FGF14: variants seen among roughly 807,000 people sequenced by gnomAD.
The protein encoded by FGF14 is fibroblast growth factor 14, also known as fibroblast growth factor homologous factor 4.
FGF14 carries 5 observed loss-of-function variants against 25.5 expected under a neutral mutation model. The observed-to-expected ratio is 0.20, with a 90% CI of 0.10 to 0.41. FGF14 has a LOEUF of 0.41. FGF14 is among the 10% of genes least tolerant of loss of function. The pLI is 1.00. For synonymous variants in FGF14, 138 were observed against 118.3 expected, an observed-to-expected ratio of 1.17 and a Z score of -1.08; for missense variants, 222 against 320.1, an observed-to-expected ratio of 0.69 and a Z score of 2.34.
chr13:102,228,255 C>T (rs192340707), intron 1 of FGF14, among the ~76,000 whole-genome samples: 31 of 152,246 alleles, frequency 2.0e-4, no homozygotes, highest in African/African-American at 6.5e-4. Flanking sequence ...AATGTAGTTT[C>T]TAGTTTCTCA....
At chr13:102,381,680 T>C (rs2058186836) in intron 1 of FGF14, among the ~76,000 whole-genome samples, 2 of 152,160 alleles carry the variant, frequency 1.3e-5, no homozygotes, top group South Asian at 4.1e-4. Flanking sequence ...TTCACAAGAG[T>C]ATTAATTTTT....
intron 3 of FGF14, among the ~76,000 whole-genome samples, chr13:101,854,151 T>C (rs2044003552): frequency 6.6e-6 from 1 of 152,142 alleles, no homozygotes. Flanking sequence ...GTACTCAAAC[T>C]GTGTGCGTAC....
intron 3 of FGF14, among the ~76,000 whole-genome samples, chr13:101,775,667 T>C (rs1195155866): frequency 6.6e-6 from 1 of 152,094 alleles, no homozygotes; most frequent in Non-Finnish European, 1.5e-5. Context: ...TAAGGGAGGA[T>C]AGGGGGCCTA....
chr13:102,259,896 T>A (rs2052634522), intron 1 of FGF14, among the ~76,000 whole-genome samples: 1 of 152,230 alleles, frequency 6.6e-6, no homozygotes. Context: ...AGCAGGAGCA[T>A]GTTTTTCTGC....
rs61363461 is a variant in FGF14 at position 102,382,057 on chromosome 13, C to A, written c.208+19414G>T. On this transcript the variant is annotated intron_variant, in intron 1 of 4. Coordinates refer to the FGF14 transcript ENST00000376131. Reference sequence around the variant, plus strand: ...CTCTAAGAAAAACTTAGGACAAAATCTTTATGATCTTGGGTTAGGAGATCA... The same window carrying A: ...CTCTAAGAAAAACTTAGGACAAAATATTTATGATCTTGGGTTAGGAGATCA... Among the ~76,000 whole-genome samples, 1,183 of 152,186 alleles carry A rather than the reference C, an allele frequency of 7.8e-3. 17 individuals carry two copies. The highest frequency in any genetic ancestry group is 0.027 in the African/African-American group (1,128 of 41,540).
chr13:102,292,734 C>A (rs931977382), intron 1 of FGF14: 1 of 152,194 alleles, frequency 6.6e-6, no homozygotes, highest in African/African-American at 2.4e-5. Flanking sequence ...TATGGAGCCA[C>A]CCCACATAAT....
At chr13:101,906,915 G>A (rs780871540) in intron 1 of FGF14, among the ~76,000 whole-genome samples, 3 of 152,032 alleles carry the variant, frequency 2.0e-5, no homozygotes, top group Non-Finnish European at 2.9e-5. Flanking sequence ...CCATGAAAAC[G>A]TTCCACATAG....
intron 1 of FGF14, among the ~76,000 whole-genome samples, chr13:101,954,835 A>T (rs2139417464): frequency 6.6e-6 from 1 of 152,380 alleles, no homozygotes; most frequent in Admixed American, 6.5e-5. Context: ...GAAGGAAATC[A>T]GTATTGGAAG....
intron 1 of FGF14, among the ~76,000 whole-genome samples, chr13:102,264,641 C>T (rs758446107): frequency 9.6e-5 from 10 of 104,468 alleles, no homozygotes; most frequent in Non-Finnish European, 1.4e-4. Flanking sequence ...ACAGAAACCA[C>T]AAAGGATAGT....
At chr13:101,783,186 T>C (rs1410703180) in intron 3 of FGF14, among the ~76,000 whole-genome samples, 4 of 152,080 alleles carry the variant, frequency 2.6e-5, no homozygotes, top group Non-Finnish European at 4.4e-5. Flanking sequence ...TTTTTAAAAG[T>C]GTTGGCCGGG....
intron 1 of FGF14, among the ~76,000 whole-genome samples, chr13:101,908,065 G>T (rs540811093): frequency 6.6e-6 from 1 of 152,294 alleles, no homozygotes; most frequent in East Asian, 1.9e-4. Flanking sequence ...GCTGAGAGTA[G>T]AAATGGGAGA....
intron 3 of FGF14, among the ~76,000 whole-genome samples, chr13:101,787,159 C>A (rs779584178): frequency 2.8e-5 from 3 of 107,666 alleles, no homozygotes; most frequent in Non-Finnish European, 4.0e-5. Context: ...AATGTGACAT[C>A]ATCCATGTCA....
chr13:102,341,796 G>C (rs953376834), intron 1 of FGF14, among the ~76,000 whole-genome samples: 1 of 152,176 alleles, frequency 6.6e-6, no homozygotes, highest in Non-Finnish European at 1.5e-5. Flanking sequence ...CCTACTGAGG[G>C]AAAATACCAG....
intron 1 of FGF14, among the ~76,000 whole-genome samples, chr13:101,898,506 T>C (rs2031065399): frequency 6.6e-6 from 1 of 152,114 alleles, no homozygotes; most frequent in African/African-American, 2.4e-5. Context: ...AGCTAGTCAA[T>C]ATTTTTCTTC....
intron 1 of FGF14, among the ~76,000 whole-genome samples, chr13:102,051,554 T>C (rs2042216230): frequency 6.6e-6 from 1 of 152,190 alleles, no homozygotes; most frequent in Non-Finnish European, 1.5e-5. Flanking sequence ...TCAGGAGGAC[T>C]TTGGCAGCCA....
chr13:101,847,466 T>C (rs1013853825), intron 3 of FGF14, among the ~76,000 whole-genome samples: 1 of 152,116 alleles, frequency 6.6e-6, no homozygotes, highest in Non-Finnish European at 1.5e-5. Context: ...TAATAGACAG[T>C]AAACTAGTGA....
At chr13:102,064,626 CAAATTTGTGTAAGTCTTTT>C (rs2042827930) in intron 1 of FGF14, among the ~76,000 whole-genome samples, 1 of 151,832 alleles carries the variant, frequency 6.6e-6, no homozygotes, top group Non-Finnish European at 1.5e-5. Context: ...GCACGAAATT[CAAATTTGTGTAAGTCTTTT>C]AATGATATAG....
At chr13:101,759,861 T>G (rs2037901521) in intron 3 of FGF14, among the ~76,000 whole-genome samples, 1 of 152,152 alleles carries the variant, frequency 6.6e-6, no homozygotes, top group African/African-American at 2.4e-5. Context: ...GAAATGGAAT[T>G]TAGATAAATG....
chr13:101,715,545 A>C lies in FGF14; in HGVS notation c.*7286T>G. On this transcript the variant is annotated 3_prime_UTR_variant, in exon 5 of 5. Coordinates refer to ENST00000376143, the MANE Select transcript of FGF14 (RefSeq NM_004115.4). ...CATTTTGATCATAATCATGATACCT[A>C]TATGTATTTTATTGCAGGGAATGGA... The C allele has an allele frequency of 6.5e-7, 1 of 1,544,316 alleles. No homozygotes were observed. The highest frequency in any genetic ancestry group is 9.0e-7 in the Non-Finnish European group (1 of 1,116,422).
Sources: allele counts gnomAD v4.1 joint callset (sites outside exome capture counted in the v4.1 genomes callset), GRCh38; gene constraint gnomAD v4.1.1; transcripts MANE v1.5; gene names NCBI Gene and HGNC (gene_info 2026-07-23, HGNC 2026-07-21).